Variants in SLC68A1 observed in about 807,000 individuals in gnomAD.
The protein encoded by SLC68A1 is solute carrier family 68 member 1, also known as major facilitator superfamily domain containing 13A.
chr10:102,476,839 C>T, the SLC68A1 span: 1 of 985,638 alleles, frequency 1.0e-6, no homozygotes, highest in African/African-American at 1.7e-5. Flanking sequence ...GCAACTGCTC[C>T]CTTTTGCCCA....
the SLC68A1 span, chr10:102,472,980 A>C: frequency 2.5e-5 from 38 of 1,524,952 alleles, no homozygotes; most frequent in Non-Finnish European, 3.5e-5. Flanking sequence ...GCTTCATGCA[A>C]GCTGGAAGGA....
chr10:102,465,216 G>A, the SLC68A1 span, among the ~76,000 whole-genome samples: 357 of 151,620 alleles, frequency 2.4e-3, 3 homozygotes, highest in African/African-American at 8.2e-3. Context: ...CCTAGATTGC[G>A]CCACTGCACT....
chr10:102,464,987 G>A, the SLC68A1 span, among the ~76,000 whole-genome samples: 3 of 151,914 alleles, frequency 2.0e-5, no homozygotes, highest in Non-Finnish European at 4.4e-5. Flanking sequence ...GGGTGTGGAG[G>A]CTCATGGCTG....
At chr10:102,471,759 A>T in the SLC68A1 span, among the ~76,000 whole-genome samples, 1 of 111,280 alleles carries the variant, frequency 9.0e-6, no homozygotes, top group African/African-American at 3.0e-5. Flanking sequence ...ACTCCTTCTC[A>T]AAGAAAAAAA....
the SLC68A1 span, among the ~76,000 whole-genome samples, chr10:102,472,549 A>C: frequency 6.6e-6 from 1 of 152,194 alleles, no homozygotes; most frequent in Non-Finnish European, 1.5e-5. Context: ...TAGGATTACA[A>C]GTGTGAGCCC....
chr10:102,463,200 TCTCA>T, the SLC68A1 span, among the ~76,000 whole-genome samples: 1 of 138,824 alleles, frequency 7.2e-6, no homozygotes, highest in African/African-American at 2.8e-5. Context: ...AGAGACGGAG[TCTCA>T]CTCTGTCCTC....
the SLC68A1 span, among the ~76,000 whole-genome samples, chr10:102,474,404 C>T: frequency 3.9e-5 from 6 of 152,006 alleles, no homozygotes; most frequent in African/African-American, 1.5e-4. Flanking sequence ...TGTGAGATGG[C>T]GTGACCAAGA....
the SLC68A1 span, chr10:102,473,676 A>G: frequency 6.2e-7 from 1 of 1,613,988 alleles, no homozygotes; most frequent in East Asian, 2.2e-5. Context: ...TCAAGCTGGG[A>G]CTTAGCCTGC....
At chr10:102,464,527 C>T in the SLC68A1 span, among the ~76,000 whole-genome samples, 9 of 151,664 alleles carry the variant, frequency 5.9e-5, no homozygotes, top group South Asian at 1.0e-3. Context: ...CGCAGTGGCT[C>T]ATGCCTGTAA....
chr10:102,462,620 G>C, the SLC68A1 span, among the ~76,000 whole-genome samples: 23,121 of 152,130 alleles, frequency 0.15, 2,133 homozygotes, highest in East Asian at 0.43. Flanking sequence ...GGGCCTGGTA[G>C]GGTGAAGGGG....
chr10:102,470,682 C>T, the SLC68A1 span: 1 of 1,611,458 alleles, frequency 6.2e-7, no homozygotes, highest in Non-Finnish European at 8.5e-7. Context: ...GCCGGGCTCT[C>T]CTCAAGGGCT....
the SLC68A1 span, chr10:102,473,419 G>A: frequency 1.7e-5 from 14 of 809,870 alleles, no homozygotes; most frequent in Admixed American, 1.2e-4. Flanking sequence ...CACCTTAAGG[G>A]GCTGTGAAGA....
chr10:102,468,877 T>G, the SLC68A1 span: 3 of 624,114 alleles, frequency 4.8e-6, no homozygotes, highest in South Asian at 5.9e-5. Flanking sequence ...GAAATGAGTT[T>G]TTAAATGATT....
chr10:102,476,539 C>T, the SLC68A1 span: 2 of 985,978 alleles, frequency 2.0e-6, no homozygotes, highest in Non-Finnish European at 2.4e-6. Flanking sequence ...GCTCCACTGC[C>T]TTCCTCTAGT....
At chr10:102,473,206 C>T in the SLC68A1 span, among the ~76,000 whole-genome samples, 5 of 151,912 alleles carry the variant, frequency 3.3e-5, no homozygotes, top group Admixed American at 6.6e-5. Flanking sequence ...TTGAGGGGGG[C>T]GGAGGCTGTG....
At chr10:102,472,442 T>G in the SLC68A1 span, among the ~76,000 whole-genome samples, 2 of 152,134 alleles carry the variant, frequency 1.3e-5, no homozygotes, top group African/African-American at 4.8e-5. Context: ...TTTTATATTT[T>G]TAGTAGAGAC....
the SLC68A1 span, chr10:102,471,283 G>A: frequency 6.2e-7 from 1 of 1,613,824 alleles, no homozygotes; most frequent in African/African-American, 1.3e-5. Flanking sequence ...CCTGTGTGGA[G>A]AGGAGCTGCT....
chr10:102,469,328 C>G, the SLC68A1 span: 1 of 853,940 alleles, frequency 1.2e-6, no homozygotes, highest in Non-Finnish European at 1.9e-6. Flanking sequence ...AGGTTGTTCA[C>G]CAAGACTCAT....
At chr10:102,464,738 C>T in the SLC68A1 span, among the ~76,000 whole-genome samples, 3 of 138,138 alleles carry the variant, frequency 2.2e-5, no homozygotes, top group East Asian at 2.1e-4. Context: ...TGCAGTAAGC[C>T]GAGATTGTGC....
Sources: gnomAD v4.1 joint callset for allele counts (sites outside exome capture counted in the v4.1 genomes callset) on GRCh38, gnomAD v4.1.1 for gene constraint, MANE v1.5 for transcripts, NCBI Gene and HGNC (gene_info 2026-07-23, HGNC 2026-07-21) for gene names.